EPB41L2: variants seen among roughly 807,000 people sequenced by gnomAD.
EPB41L2 encodes band 4.1-like protein 2.
A neutral mutation model predicts 113.0 loss-of-function variants in EPB41L2; 43 were observed. The ratio of observed to expected loss-of-function variants is 0.38; its 90% CI spans 0.30 to 0.49. The LOEUF (loss-of-function observed/expected upper bound fraction) is 0.49, where lower values mean the gene tolerates loss of function less well. EPB41L2 is among the 20% of genes least tolerant of loss of function. The pLI is 0.95. For synonymous variants in EPB41L2, 442 were observed against 436.7 expected, an observed-to-expected ratio of 1.01 and a Z score of -0.15; for missense variants, 1,147 against 1,223.4, an observed-to-expected ratio of 0.94 and a Z score of 0.93.
rs552382291 is a variant in EPB41L2, at chr6:130,950,028, A to C, written c.705+5077T>G. ...CAGGAGACTGATTATTAGTAGTTAC[A>C]TGTGGGGGCAGTCAAGAGTTATATG... On this transcript the variant is annotated intron_variant, in intron 3 of 19. Transcript: ENST00000337057. Among the ~76,000 whole-genome samples the C allele has an allele frequency of 3.9e-5, 6 of 152,310 alleles. No individual in the cohort carries two copies. The South Asian group carries it at 1.2e-3, about 32-fold the overall frequency.
chr6:130,992,743 G>A lies in EPB41L2; in HGVS notation c.-14-36244C>T, dbSNP rs142659087. Among the ~76,000 whole-genome samples the A allele has an allele frequency of 4.0e-5, 6 of 151,670 alleles. No homozygotes were observed. The East Asian group carries it at 1.2e-3, about 29-fold the overall frequency. On this transcript the variant is annotated intron_variant, in intron 1 of 19. Transcript: ENST00000337057. Reference sequence around the variant, plus strand: ...CCTCCCAGGTTCAAGCAATTCTCCTGCCTCAGCCTCCCAAGCAGCTGGCAC... The same window carrying A: ...CCTCCCAGGTTCAAGCAATTCTCCTACCTCAGCCTCCCAAGCAGCTGGCAC...
intron 1 of EPB41L2, among the ~76,000 whole-genome samples, chr6:131,041,086 C>T (rs749163390): frequency 6.6e-6 from 1 of 152,190 alleles, no homozygotes; most frequent in Admixed American, 6.5e-5. Context: ...GTTTGCCAAA[C>T]ACACTATACA....
intron 19 of EPB41L2, among the ~76,000 whole-genome samples, chr6:130,846,959 T>C (rs1409139464): frequency 6.6e-6 from 1 of 152,252 alleles, no homozygotes; most frequent in Admixed American, 6.5e-5. Flanking sequence ...ACTAACTGTC[T>C]GAACCAGTAT....
intron 18 of EPB41L2, among the ~76,000 whole-genome samples, chr6:130,863,369 A>C (rs997474338): frequency 6.6e-6 from 1 of 152,206 alleles, no homozygotes; most frequent in African/African-American, 2.4e-5. Context: ...GGCCCACACG[A>C]ATCTTATGTT....
At chr6:130,865,839 T>C (rs1255614263) in intron 16 of EPB41L2, 2 of 538,902 alleles carry the variant, frequency 3.7e-6, no homozygotes, top group East Asian at 3.1e-5. Context: ...CAAACTCAAC[T>C]GTGTGAGTGG....
chr6:131,032,860 T>A (rs998772220), intron 1 of EPB41L2, among the ~76,000 whole-genome samples: 2 of 152,016 alleles, frequency 1.3e-5, no homozygotes, highest in African/African-American at 2.4e-5. Flanking sequence ...CAAAAAAAAA[T>A]TTAAGGCTGG....
At chr6:131,057,707 G>C (rs1797858095) in intron 1 of EPB41L2, among the ~76,000 whole-genome samples, 1 of 152,162 alleles carries the variant, frequency 6.6e-6, no homozygotes, top group South Asian at 2.1e-4. Flanking sequence ...GGCAACTGAA[G>C]GGTAACATAA....
chr6:131,037,715 A>C (rs1323482819), intron 1 of EPB41L2, among the ~76,000 whole-genome samples: 1 of 151,596 alleles, frequency 6.6e-6, no homozygotes, highest in East Asian at 1.9e-4. Flanking sequence ...CAGCCTCCAG[A>C]GTAGCTGGGA....
At chr6:130,870,419 A>G (rs1316958974) in intron 14 of EPB41L2, 2 of 1,548,868 alleles carry the variant, frequency 1.3e-6, no homozygotes, top group Non-Finnish European at 1.7e-6. Flanking sequence ...CAAAATCAAT[A>G]CAGTTTTACC....
chr6:130,964,690 A>T (rs1170513879), intron 1 of EPB41L2, among the ~76,000 whole-genome samples: 3 of 152,228 alleles, frequency 2.0e-5, no homozygotes, highest in Non-Finnish European at 4.4e-5. Context: ...TAGTAATAAC[A>T]GTAATCACAA....
chr6:130,934,576 G>A (rs1008266348), intron 3 of EPB41L2, among the ~76,000 whole-genome samples: 4 of 152,012 alleles, frequency 2.6e-5, no homozygotes. Context: ...AGGCTCAAAC[G>A]ATCTTCCTGC....
At chr6:130,889,935 C>T (rs1792237961) in intron 11 of EPB41L2, among the ~76,000 whole-genome samples, 1 of 152,120 alleles carries the variant, frequency 6.6e-6, no homozygotes, top group African/African-American at 2.4e-5. Context: ...CAGCTGAACA[C>T]CCCAAATCTG....
intron 3 of EPB41L2, among the ~76,000 whole-genome samples, chr6:130,931,300 T>C (rs983763838): frequency 1.3e-5 from 2 of 152,134 alleles, no homozygotes; most frequent in Non-Finnish European, 2.9e-5. Context: ...CTAACACGCA[T>C]TATTTTTTTA....
intron 4 of EPB41L2, among the ~76,000 whole-genome samples, chr6:130,918,490 T>A (rs60445063): frequency 6.6e-6 from 1 of 152,280 alleles, no homozygotes; most frequent in African/African-American, 2.4e-5. Context: ...GAATTCCATA[T>A]TGAATAACAT....
chr6:130,915,128 C>T (rs1419625297), intron 4 of EPB41L2, among the ~76,000 whole-genome samples: 1 of 151,850 alleles, frequency 6.6e-6, no homozygotes, highest in Non-Finnish European at 1.5e-5. Context: ...ACGGTGAAAC[C>T]CCGTCTCTAC....
intron 1 of EPB41L2, among the ~76,000 whole-genome samples, chr6:131,004,800 CT>C (rs1486782085): frequency 2.6e-5 from 4 of 152,178 alleles, no homozygotes; most frequent in African/African-American, 9.7e-5. Flanking sequence ...CACTACACAA[CT>C]CCCTGGTCAC....
chr6:130,879,925 T>C (rs1788733462), intron 13 of EPB41L2, among the ~76,000 whole-genome samples: 1 of 152,190 alleles, frequency 6.6e-6, no homozygotes, highest in South Asian at 2.1e-4. Context: ...AACTTTTTTT[T>C]CCCACTTGTC....
At chr6:130,845,133 T>A (rs1776608726) in intron 19 of EPB41L2, among the ~76,000 whole-genome samples, 1 of 152,178 alleles carries the variant, frequency 6.6e-6, no homozygotes, top group Non-Finnish European at 1.5e-5. Context: ...AAAAGTCAAT[T>A]CTTAAAATGT....
At chr6:130,879,222 A>G (rs1788505862) in intron 13 of EPB41L2, among the ~76,000 whole-genome samples, 1 of 152,244 alleles carries the variant, frequency 6.6e-6, no homozygotes, top group Admixed American at 6.5e-5. Context: ...CAAGCATAGT[A>G]GCTCATCTAT....
Sources: gnomAD v4.1 joint callset for allele counts (sites outside exome capture counted in the v4.1 genomes callset) on GRCh38, gnomAD v4.1.1 for gene constraint, MANE v1.5 for transcripts, NCBI Gene and HGNC (gene_info 2026-07-23, HGNC 2026-07-21) for gene names.